The following NCOR2 variants were observed in gnomAD, a reference collection of about 807,000 sequenced individuals.
NCOR2 encodes nuclear receptor corepressor 2.
A neutral mutation model predicts 262.9 loss-of-function variants in NCOR2; 81 were observed. That is an observed-to-expected ratio of 0.31 (90% CI 0.26 to 0.37). The LOEUF is 0.37. Ranked by LOEUF, NCOR2 falls within the 10% of genes least tolerant of loss-of-function variation. NCOR2 has a pLI of 1.00. For missense variants in NCOR2, 3,385 were observed against 3,621.4 expected, an observed-to-expected ratio of 0.93 and a Z score of 1.68; for synonymous variants, 1,659 against 1,559.3, an observed-to-expected ratio of 1.06 and a Z score of -1.51.
chr12:124,330,964 C>CCT (rs199671870), intron 43 of NCOR2, 66 bp from the exon 46 acceptor site: 21,302 of 1,522,086 alleles, frequency 0.014, 834 homozygotes, highest in South Asian at 0.1. Context: ...CTACCAGTCC[C>CCT]GTGTGGTCCA....
chr12:124,372,924 G>A (rs765407255), intron 19 of NCOR2, among the ~76,000 whole-genome samples: 2 of 152,180 alleles, frequency 1.3e-5, no homozygotes, highest in Non-Finnish European at 2.9e-5. Flanking sequence ...CAGCCTGAGG[G>A]TGGCCGTGGG....
chr12:124,384,581 G>A (rs951411981), intron 17 of NCOR2, among the ~76,000 whole-genome samples: 7 of 152,168 alleles, frequency 4.6e-5, no homozygotes, highest in African/African-American at 7.2e-5. Flanking sequence ...GAACCCACTC[G>A]GGAGGGTGGA....
chr12:124,406,709 G>A (rs2042297278), intron 13 of NCOR2, among the ~76,000 whole-genome samples: 1 of 152,066 alleles, frequency 6.6e-6, no homozygotes, highest in African/African-American at 2.4e-5. Context: ...ACAACTCTGT[G>A]ACAAACCCTA....
At chr12:124,557,418 C>T (rs2051917993) in intron 1 of NCOR2, among the ~76,000 whole-genome samples, 1 of 152,222 alleles carries the variant, frequency 6.6e-6, no homozygotes. Context: ...TGGCTTCCAG[C>T]CACATCGCTC....
chr12:124,410,909 C>T (rs1353306791), intron 13 of NCOR2, among the ~76,000 whole-genome samples: 2 of 151,264 alleles, frequency 1.3e-5, no homozygotes, highest in South Asian at 2.1e-4. Context: ...AGAGGACAGA[C>T]GGAGGAGGCA....
intron 5 of NCOR2, among the ~76,000 whole-genome samples, chr12:124,461,144 C>T (rs145951500): frequency 7.0e-4 from 107 of 152,380 alleles, no homozygotes; most frequent in African/African-American, 2.5e-3. Flanking sequence ...GGGAAACAGG[C>T]CTTTCTCAAT....
At chr12:124,347,071 T>G (rs916208050) in intron 30 of NCOR2, among the ~76,000 whole-genome samples, 1 of 152,242 alleles carries the variant, frequency 6.6e-6, no homozygotes, top group African/African-American at 2.4e-5. Context: ...TATGAAATCA[T>G]GAAGCTAAAA....
chr12:124,411,833 G>T (rs1418090814), intron 13 of NCOR2, among the ~76,000 whole-genome samples: 1 of 152,198 alleles, frequency 6.6e-6, no homozygotes, highest in Non-Finnish European at 1.5e-5. Flanking sequence ...CTCAAAAGCC[G>T]CTCACGGCCG....
chr12:124,340,431 T>C, exon 36 of NCOR2: 1 of 1,612,536 alleles, frequency 6.2e-7, no homozygotes, highest in Non-Finnish European at 8.5e-7. Flanking sequence ...TTTTGTCAAG[T>C]GTGTTGGACC....
intron 16 of NCOR2, chr12:124,388,784 G>C: frequency 7.7e-7 from 1 of 1,303,184 alleles, no homozygotes; most frequent in Non-Finnish European, 1.0e-6. Flanking sequence ...CAGGCTGGGC[G>C]GCCGCGGTCG....
chr12:124,469,991 C>T (rs2046745903), intron 4 of NCOR2, among the ~76,000 whole-genome samples: 2 of 151,978 alleles, frequency 1.3e-5, no homozygotes, highest in African/African-American at 2.4e-5. Flanking sequence ...CATGGTGAAA[C>T]CCCATCTCTA....
In NCOR2 at chr12:124,495,184, C is replaced by G. The variant is rs1250636824; in HGVS notation, c.68G>C (p.Ser23Thr). The G allele has an allele frequency of 6.2e-7, 1 of 1,613,878 alleles. No individual in the cohort carries two copies. Among genetic ancestry groups the G allele is most frequent in the African/African-American group, 1.3e-5 (1 of 74,926 alleles). ...GGCGATCTGCACTGGGTAGGAAAGG[C>G]TGTGGGGCGGGTAGCGGGGCTCAGT... Residue 23 changes from serine to threonine, a missense_variant, in exon 1 of 47, where the codon AGC becomes ACC. Transcript: ENST00000405201. The surrounding 1 kb of genome is among the most constrained non-coding windows in gnomAD (Gnocchi z 4.4).
chr12:124,480,935 G>A (rs1297098742), intron 3 of NCOR2, among the ~76,000 whole-genome samples: 1 of 151,486 alleles, frequency 6.6e-6, no homozygotes, highest in African/African-American at 2.4e-5. Flanking sequence ...CCATGGGTGA[G>A]GGGCGGCTGG....
At chr12:124,325,884 G>C (rs554731155) in intron 46 of NCOR2, among the ~76,000 whole-genome samples, 2 of 152,032 alleles carry the variant, frequency 1.3e-5, no homozygotes, top group African/African-American at 2.4e-5. Flanking sequence ...TTTCCCTTCC[G>C]AAAGCCCTCC....
chr12:124,385,101 GCTC>G (rs914038025), intron 17 of NCOR2, among the ~76,000 whole-genome samples: 3 of 152,130 alleles, frequency 2.0e-5, no homozygotes, highest in Admixed American at 6.5e-5. Context: ...TCCCCAAAAT[GCTC>G]CTCAATTCCC....
At chr12:124,370,039 A>T (rs2039365212) in intron 20 of NCOR2, among the ~76,000 whole-genome samples, 1 of 152,114 alleles carries the variant, frequency 6.6e-6, no homozygotes, top group South Asian at 2.1e-4. Context: ...GAAGGCAGAA[A>T]CATGTGTTTC....
intron 17 of NCOR2, among the ~76,000 whole-genome samples, chr12:124,381,121 T>C (rs1173185218): frequency 6.6e-6 from 1 of 152,076 alleles, no homozygotes; most frequent in Non-Finnish European, 1.5e-5. Context: ...CCTATCCATA[T>C]GGCCCTGTGT....
At chr12:124,546,857 C>T (rs1307162141) in intron 1 of NCOR2, among the ~76,000 whole-genome samples, 3 of 152,180 alleles carry the variant, frequency 2.0e-5, no homozygotes, top group African/African-American at 4.8e-5. Context: ...GTGTCCATCC[C>T]GGGAATCAGA....
intron 22 of NCOR2, 114 bp from the exon 25 acceptor site, chr12:124,356,896 G>A (rs751316846): frequency 2.3e-5 from 30 of 1,299,724 alleles, no homozygotes; most frequent in Non-Finnish European, 2.9e-5. Context: ...GTGGTGGCCT[G>A]TGACGGCCTG....
Sources: allele counts gnomAD v4.1 joint callset (sites outside exome capture counted in the v4.1 genomes callset), GRCh38; gene constraint gnomAD v4.1.1; non-coding constraint Gnocchi (gnomAD v3.1); transcripts MANE v1.5; gene names NCBI Gene and HGNC (gene_info 2026-07-23, HGNC 2026-07-21).